The following CALN1 variants were observed in gnomAD, a reference collection of about 807,000 sequenced individuals.
CALN1 encodes the protein calneuron 1.
In CALN1, 17 loss-of-function variants were observed where a neutral mutation model predicts 30.6. The ratio of observed to expected loss-of-function variants is 0.56; its 90% confidence interval spans 0.38 to 0.83. CALN1 has a LOEUF of 0.83. Ranked by LOEUF, CALN1 falls within the 40% of genes least tolerant of loss-of-function variation. CALN1 has a pLI of 0.00. For synonymous variants in CALN1, 156 were observed against 131.4 expected (o/e 1.19, Z -1.28); for missense variants, 291 against 354.9 (o/e 0.82, Z 1.45).
At chr7:72,152,922 T>C (rs1787368878) in intron 3 of CALN1, among the ~76,000 whole-genome samples, 1 of 152,218 alleles carries the variant, frequency 6.6e-6, no homozygotes. Context: ...AGACTGTTCC[T>C]TGCCAGTTGG....
intron 3 of CALN1, 135 bp from the exon 4 acceptor site, chr7:72,106,429 A>G (rs1584953797): frequency 9.7e-7 from 1 of 1,032,786 alleles, no homozygotes; most frequent in East Asian, 2.5e-5. Context: ...AATCAGATAA[A>G]AGGGAGGACA....
chr7:72,132,563 C>T (rs999430497), intron 3 of CALN1, among the ~76,000 whole-genome samples: 2 of 152,158 alleles, frequency 1.3e-5, no homozygotes, highest in Admixed American at 6.5e-5. Flanking sequence ...AAGAATGCCA[C>T]CACAATAAAT....
At chr7:71,990,134 G>A (rs1405867984) in intron 5 of CALN1, among the ~76,000 whole-genome samples, 1 of 152,140 alleles carries the variant, frequency 6.6e-6, no homozygotes, top group Non-Finnish European at 1.5e-5. Flanking sequence ...AGGATGCCAT[G>A]AAGAAGCTGG....
rs552398384 is a variant in CALN1 at position 72,437,740 on chromosome 7, C to G, written c.-226+9302G>C. 2.9e-4 allele frequency among the ~76,000 whole-genome samples: 39 copies of G among 134,246 alleles called. No individual in the cohort carries two copies. The South Asian group carries it at 3.8e-3, about 13-fold the overall frequency. 88.1% of individuals were successfully genotyped at this position (134,246 alleles called of 152,430 possible). ...TTCCTTCTTTCCTTCCCCCCTCCCA[C>G]CCTTCCTTCCTTTCTTTCCTTCCTT... On this transcript the variant is annotated intron_variant, in intron 1 of 6. Transcript: ENST00000395276.
At chr7:72,123,066 C>A (rs931778129) in intron 3 of CALN1, among the ~76,000 whole-genome samples, 1 of 152,106 alleles carries the variant, frequency 6.6e-6, no homozygotes, top group Non-Finnish European at 1.5e-5. Flanking sequence ...AGCCAGGGAG[C>A]GGACTGGGGG....
At position 72,290,270 on chromosome 7, in the gene CALN1, G is replaced by GAAAACATGACATTTTCCTGC. The variant is rs748230395; in HGVS notation, c.120-11480_120-11461dup. Reference sequence around the variant, plus strand: ...TGACTTTCTACAGAAAAGAAGACATGAAAACATGACATTTTCCTGCAGCAA... The same window carrying GAAAACATGACATTTTCCTGC: ...TGACTTTCTACAGAAAAGAAGACATGAAAACATGACATTTTCCTGCAAAACATGACATTTTCCTGCAGCAA... On this transcript the variant is annotated intron_variant, in intron 2 of 6. Transcript: ENST00000395275. Among the ~76,000 whole-genome samples, 220 of 152,046 alleles carry GAAAACATGACATTTTCCTGC rather than the reference G, an allele frequency of 1.4e-3. 1 individual carries two copies. Among genetic ancestry groups the GAAAACATGACATTTTCCTGC allele is most frequent in the Non-Finnish European group, 2.4e-3 (163 of 68,004 alleles).
At chr7:72,304,521 T>TAC (rs1799514792) in intron 2 of CALN1, among the ~76,000 whole-genome samples, 1 of 152,180 alleles carries the variant, frequency 6.6e-6, no homozygotes. Flanking sequence ...GTAAGCACTT[T>TAC]ACTTGGAGTG....
At chr7:72,364,899 G>A (rs927920218) in intron 2 of CALN1, among the ~76,000 whole-genome samples, 1 of 151,650 alleles carries the variant, frequency 6.6e-6, no homozygotes, top group Non-Finnish European at 1.5e-5. Flanking sequence ...GCCGGACATG[G>A]TGGCACACAC....
chr7:72,442,235 A>G (rs1449237167), intron 1 of CALN1, among the ~76,000 whole-genome samples: 2 of 152,110 alleles, frequency 1.3e-5, no homozygotes, highest in Non-Finnish European at 2.9e-5. Flanking sequence ...CACCTTGCCC[A>G]CCCACAATCT....
chr7:72,143,565 A>G (rs1192722790), intron 3 of CALN1, among the ~76,000 whole-genome samples: 2 of 152,222 alleles, frequency 1.3e-5, no homozygotes, highest in Non-Finnish European at 2.9e-5. Context: ...GATATTATCC[A>G]GGAGAACTTC....
chr7:72,378,348 G>A (rs866952446), intron 2 of CALN1, among the ~76,000 whole-genome samples: 2 of 152,186 alleles, frequency 1.3e-5, no homozygotes, highest in South Asian at 4.2e-4. Flanking sequence ...AAAGCTGCTT[G>A]TTCTGTTCTC....
intron 2 of CALN1, among the ~76,000 whole-genome samples, chr7:72,401,958 G>A (rs541862548): frequency 6.6e-6 from 1 of 152,238 alleles, no homozygotes; most frequent in East Asian, 1.9e-4. Context: ...ATCCTAGGCT[G>A]GTAAAAGTCC....
intron 4 of CALN1, among the ~76,000 whole-genome samples, chr7:72,087,385 A>G (rs146350345): frequency 0.019 from 2,939 of 152,290 alleles, 94 homozygotes; most frequent in African/African-American, 0.067. Context: ...TACAAAAATT[A>G]GCCGGGCACG....
chr7:72,153,971 C>T (rs1330237452), intron 3 of CALN1, among the ~76,000 whole-genome samples: 4 of 152,098 alleles, frequency 2.6e-5, no homozygotes, highest in Non-Finnish European at 5.9e-5. Flanking sequence ...ATTCGCATTT[C>T]GGGGCAGTGG....
At chr7:71,857,016 A>ATGTGTGTGTGTGTGTG (rs200594767) in intron 5 of CALN1, among the ~76,000 whole-genome samples, 1 of 142,224 alleles carries the variant, frequency 7.0e-6, no homozygotes, top group Non-Finnish European at 1.5e-5. Flanking sequence ...GTGTATATGT[A>ATGTGTGTGTGTGTGTG]TGTGTGTGTG....
At chr7:71,798,575 G>C (rs1051575256) in intron 6 of CALN1, among the ~76,000 whole-genome samples, 2 of 150,792 alleles carry the variant, frequency 1.3e-5, no homozygotes, top group African/African-American at 4.9e-5. Context: ...CAAAGTGTTT[G>C]GATTACAGGT....
intron 5 of CALN1, among the ~76,000 whole-genome samples, chr7:71,945,246 T>C (rs1485807495): frequency 6.6e-6 from 1 of 152,192 alleles, no homozygotes. Flanking sequence ...CCATGATTCT[T>C]GTACAGCCTG....
intron 2 of CALN1, among the ~76,000 whole-genome samples, chr7:72,340,831 C>T (rs1308712050): frequency 6.6e-6 from 1 of 152,140 alleles, no homozygotes; most frequent in Non-Finnish European, 1.5e-5. Flanking sequence ...GAGTAAGTCT[C>T]ACAAGATCTG....
At position 72,238,569 on chromosome 7, in the gene CALN1, A is replaced by G. The variant is rs540533573; in HGVS notation, c.244+40117T>C. On this transcript the variant is annotated intron_variant, in intron 3 of 6. Transcript: ENST00000395275. ...GAACTGTAGTTCTTGTAATCCCTAC[A>G]TGTCATGGGAGGGACCCAGTGGGAG... Among the ~76,000 whole-genome samples the G allele has an allele frequency of 5.9e-5, 9 of 151,310 alleles. No individual in the cohort carries two copies. In the South Asian group the frequency reaches 1.9e-3, roughly 32 times the overall value.
Sources: allele counts gnomAD v4.1 joint callset (sites outside exome capture counted in the v4.1 genomes callset), GRCh38; gene constraint gnomAD v4.1.1; transcripts MANE v1.5; gene names NCBI Gene and HGNC (gene_info 2026-07-23, HGNC 2026-07-21).